Variants in RFTN1 observed in about 807,000 individuals in gnomAD.
RFTN1 encodes the protein raftlin.
A neutral mutation model predicts 46.5 loss-of-function variants in RFTN1; 26 were observed. The ratio of observed to expected loss-of-function variants is 0.56; its 90% CI spans 0.41 to 0.78. The LOEUF is 0.78. Ranked by LOEUF, RFTN1 falls within the 30% of genes least tolerant of loss-of-function variation. RFTN1 has a pLI of 0.00. For missense variants in RFTN1, 693 were observed against 718.7 expected (o/e 0.96, Z 0.41); for synonymous variants, 261 against 284.2 (o/e 0.92, Z 0.82).
Position 16,451,735 on chromosome 3 carries a change from T to C in RFTN1, c.146-17698A>G, listed in dbSNP as rs1276596950. Among the ~76,000 whole-genome samples the C allele has an allele frequency of 1.3e-5, 2 of 152,232 alleles. No individual in the cohort carries two copies. The highest frequency in any genetic ancestry group is 2.9e-5 in the Non-Finnish European group (2 of 68,026). On this transcript the variant is annotated intron_variant, in intron 2 of 9. Transcript: ENST00000334133. This position sits in a 1 kb window ranked among gnomAD's most constrained non-coding sequence, Gnocchi z 4.2. Reference sequence around the variant, plus strand: ...TGACAGCAAAACTACTAGCGTGATTTTTTTTTCCTTCCTCACAATTTCATA... The same window carrying C: ...TGACAGCAAAACTACTAGCGTGATTCTTTTTTCCTTCCTCACAATTTCATA...
chr3:16,454,967 G>C (rs915631191), intron 2 of RFTN1: 1 of 169,786 alleles, frequency 5.9e-6, no homozygotes, highest in Non-Finnish European at 1.2e-5. Flanking sequence ...GGAAGGACAA[G>C]ACAGCAAAAC....
Position 16,331,660 on chromosome 3 carries a change from C to T in RFTN1, c.1147-4784G>A, listed in dbSNP as rs144357069. On this transcript the variant is annotated intron_variant, in intron 7 of 9. Transcript: ENST00000334133. Reference sequence around the variant, plus strand: ...TCCTAAATACATTAGTTCCATTTTTCCCCACTGGAGACATCATTTCTGAAA... The same window carrying T: ...TCCTAAATACATTAGTTCCATTTTTTCCCACTGGAGACATCATTTCTGAAA... Among the ~76,000 whole-genome samples the T allele has an allele frequency of 8.9e-3, 1,350 of 152,290 alleles. 13 individuals carry two copies. Among genetic ancestry groups the T allele is most frequent in the Middle Eastern group, 0.024 (7 of 294 alleles).
rs569953082 is a variant in RFTN1, at chr3:16,429,560, C to T, written c.332+4291G>A. Among the ~76,000 whole-genome samples the T allele has an allele frequency of 4.5e-4, 69 of 152,316 alleles. No individual in the cohort carries two copies. Among genetic ancestry groups the T allele is most frequent in the African/African-American group, 1.6e-3 (68 of 41,558 alleles). On this transcript the variant is annotated intron_variant, in intron 3 of 9. Transcript: ENST00000334133. The surrounding 1 kb of genome is among the most constrained non-coding windows in gnomAD (Gnocchi z 6.4). The stretch of plus-strand genomic sequence containing the variant: ...CACATATCTCATTTACTTAATTAGA[C>T]TGCAAGTGCTTGGAAGGCAGGCTCC...
At position 16,418,988 on chromosome 3, in the gene RFTN1, G is replaced by T. The variant is rs1256646143; in HGVS notation, c.333-9505C>A. Among the ~76,000 whole-genome samples, 1 of 152,180 alleles carries T rather than the reference G, an allele frequency of 6.6e-6. No homozygotes were observed. Among genetic ancestry groups the T allele is most frequent in the Admixed American group, 6.5e-5 (1 of 15,278 alleles). On this transcript the variant is annotated intron_variant, in intron 3 of 9. Transcript: ENST00000334133. This position sits in a 1 kb window ranked among gnomAD's most constrained non-coding sequence, Gnocchi z 5.0. ...GATCAGGGGAAAATTTAAGGAGCAA[G>T]GCGTGTGTGGGCTGAGTCTTTGAGT...
chr3:16,406,334 G>A (rs553426060), intron 4 of RFTN1, among the ~76,000 whole-genome samples: 9 of 152,350 alleles, frequency 5.9e-5, no homozygotes, highest in African/African-American at 1.4e-4. Context: ...AGCCAGCAAT[G>A]ACAGCGAGAA....
At chr3:16,359,965 A>G (rs563608250) in intron 6 of RFTN1, among the ~76,000 whole-genome samples, 2 of 152,316 alleles carry the variant, frequency 1.3e-5, no homozygotes, top group Admixed American at 1.3e-4. Context: ...TTTGGCTCCC[A>G]AGAGACCCCA....
At chr3:16,472,285 T>A (rs921797814) in intron 2 of RFTN1, among the ~76,000 whole-genome samples, 1 of 150,328 alleles carries the variant, frequency 6.7e-6, no homozygotes, top group East Asian at 1.9e-4. Flanking sequence ...AAAGGCAAAG[T>A]GTTCTTCTCT....
chr3:16,431,169 G>A (rs1559343385), intron 3 of RFTN1, among the ~76,000 whole-genome samples: 2 of 152,202 alleles, frequency 1.3e-5, no homozygotes, highest in Non-Finnish European at 2.9e-5. Flanking sequence ...GTAGCCAAGT[G>A]CAGCCTAGAA....
rs1037340045 is a variant in RFTN1 at position 16,348,088 on chromosome 3, A to G, written c.1146+9844T>C. The G allele has an allele frequency of 6.6e-6, 1 of 151,960 alleles. No homozygotes were observed. The highest frequency in any genetic ancestry group is 1.5e-5 in the Non-Finnish European group (1 of 68,010). 9.4% of individuals were successfully genotyped at this position (151,960 alleles called of 1,614,324 possible). A position where few individuals can be genotyped will look rare whatever the true frequency, so the allele number is the denominator to read the frequency against. On this transcript the variant is annotated intron_variant, in intron 7 of 9. Coordinates refer to ENST00000334133, the MANE Select transcript of RFTN1 (RefSeq NM_015150.2). This position sits in a 1 kb window ranked among gnomAD's most constrained non-coding sequence, Gnocchi z 6.3. Reference sequence around the variant, plus strand: ...AGGCCAGGGAGCAGGGCTTTCATACACCCACACTCCTCTGTCATCGACGAG... The same window carrying G: ...AGGCCAGGGAGCAGGGCTTTCATACGCCCACACTCCTCTGTCATCGACGAG...
chr3:16,444,095 C>T (rs2075682905), intron 2 of RFTN1, among the ~76,000 whole-genome samples: 2 of 152,166 alleles, frequency 1.3e-5, no homozygotes, highest in South Asian at 4.1e-4. Context: ...CAAAGGATCA[C>T]CAATTATTCA....
rs1438054506 is a variant in RFTN1, at chr3:16,334,948, G to C, written c.1147-8072C>G. Reference sequence around the variant, plus strand: ...AGCAGCAGAGGCTGGAGTGATGCAGGGAAGGGGCCACGAGCCAAGGAACAT... The same window carrying C: ...AGCAGCAGAGGCTGGAGTGATGCAGCGAAGGGGCCACGAGCCAAGGAACAT... On this transcript the variant is annotated intron_variant, in intron 7 of 9. Coordinates refer to ENST00000334133, the MANE Select transcript of RFTN1 (RefSeq NM_015150.2). This position sits in a 1 kb window ranked among gnomAD's most constrained non-coding sequence, Gnocchi z 4.3. 6.6e-6 allele frequency among the ~76,000 whole-genome samples: 1 copy of C among 152,194 alleles called. No homozygotes were observed. The highest frequency in any genetic ancestry group is 1.5e-5 in the Non-Finnish European group (1 of 68,036).
At chr3:16,373,116 T>G (rs184266602) in intron 5 of RFTN1, among the ~76,000 whole-genome samples, 1 of 152,330 alleles carries the variant, frequency 6.6e-6, no homozygotes, top group Non-Finnish European at 1.5e-5. Context: ...TTTGTTTAAA[T>G]TTTCTCAGCT....
rs2074154700 is a variant in RFTN1, at chr3:16,385,842, G to A, written c.442-7740C>T. Among the ~76,000 whole-genome samples the A allele has an allele frequency of 6.6e-6, 1 of 152,130 alleles. No homozygotes were observed. Among genetic ancestry groups the A allele is most frequent in the Non-Finnish European group, 1.5e-5 (1 of 68,022 alleles). On this transcript the variant is annotated intron_variant, in intron 4 of 9. Coordinates refer to ENST00000334133, the MANE Select transcript of RFTN1 (RefSeq NM_015150.2). This position sits in a 1 kb window ranked among gnomAD's most constrained non-coding sequence, Gnocchi z 5.0. ...GAATTCAACATATGTGTGGTTGTCT[G>A]CATTCAGAACAGGATTCTGGAGCAA...
rs1356075518 is a variant in RFTN1, at chr3:16,320,231, A to C, written c.1333-2999T>G. On this transcript the variant is annotated intron_variant, in intron 9 of 9. Transcript: ENST00000334133. This position sits in a 1 kb window ranked among gnomAD's most constrained non-coding sequence, Gnocchi z 4.5. ...AGAAATCACCTACTCCCTTTGAAGA[A>C]GTTTAATATTTGCCTTGAAAATCAC... Among the ~76,000 whole-genome samples the C allele has an allele frequency of 6.6e-6, 1 of 152,246 alleles. No homozygotes were observed. The highest frequency in any genetic ancestry group is 1.5e-5 in the Non-Finnish European group (1 of 68,038).
rs144276087 is a variant in RFTN1 at position 16,457,522 on chromosome 3, C to T, written c.146-23485G>A. ...ACAAGGCATCCCAAAAGTCTCAATA[C>T]AGTTTTATGCTGAAATTTCAGAAAT... is the stretch of plus-strand genomic sequence containing the variant. On this transcript the variant is annotated intron_variant, in intron 2 of 9. Transcript: ENST00000334133. This position sits in a 1 kb window ranked among gnomAD's most constrained non-coding sequence, Gnocchi z 4.2. Among the ~76,000 whole-genome samples the T allele has an allele frequency of 3.9e-4, 60 of 152,320 alleles. No individual in the cohort carries two copies. Among genetic ancestry groups the T allele is most frequent in the African/African-American group, 1.3e-3 (56 of 41,574 alleles).
intron 2 of RFTN1, among the ~76,000 whole-genome samples, chr3:16,438,857 A>T (rs1056971132): frequency 6.6e-6 from 1 of 152,176 alleles, no homozygotes; most frequent in Non-Finnish European, 1.5e-5. Flanking sequence ...TGATGACAAC[A>T]TGATGTGGGG....
intron 2 of RFTN1, among the ~76,000 whole-genome samples, chr3:16,471,248 G>A (rs141716314): frequency 2.0e-4 from 30 of 152,224 alleles, no homozygotes; most frequent in African/African-American, 7.2e-5. Context: ...ATTTTAAAAC[G>A]CAAAATGGGC....
rs1445126865 is a variant in RFTN1 at position 16,341,021 on chromosome 3, G to A, written c.1147-14145C>T. 6.6e-6 allele frequency among the ~76,000 whole-genome samples: 1 copy of A among 152,186 alleles called. No individual in the cohort carries two copies. The highest frequency in any genetic ancestry group is 1.5e-5 in the Non-Finnish European group (1 of 68,016). ...AGTTCTAAACAAATACCTCACCAAA[G>A]AAGATATGCAGGTAGCAAATAATAA... On this transcript the variant is annotated intron_variant, in intron 7 of 9. Coordinates refer to ENST00000334133, the MANE Select transcript of RFTN1 (RefSeq NM_015150.2). This position sits in a 1 kb window ranked among gnomAD's most constrained non-coding sequence, Gnocchi z 4.7.
At chr3:16,373,318 A>G (rs2073602602) in intron 5 of RFTN1, among the ~76,000 whole-genome samples, 1 of 152,252 alleles carries the variant, frequency 6.6e-6, no homozygotes, top group African/African-American at 2.4e-5. Context: ...CCTCATTTAG[A>G]TCCCTCCTGT....
Sources: allele counts gnomAD v4.1 joint callset (sites outside exome capture counted in the v4.1 genomes callset), GRCh38; gene constraint gnomAD v4.1.1; non-coding constraint Gnocchi (gnomAD v3.1); transcripts MANE v1.5; gene names NCBI Gene and HGNC (gene_info 2026-07-23, HGNC 2026-07-21).